The following EYS variants were observed in gnomAD, a reference collection of about 807,000 sequenced individuals.
EYS encodes protein eyes shut homolog.
Under a neutral mutation model 282.1 loss-of-function variants are expected in EYS, and 250 were observed. The observed-to-expected ratio is 0.89, with a 90% CI of 0.80 to 0.98. The LOEUF (loss-of-function observed/expected upper bound fraction) is 0.98, where lower values mean the gene tolerates loss of function less well. Among genes scored for constraint, EYS ranks in the 50% least tolerant of loss-of-function variants. EYS has a pLI of 0.00. For synonymous variants in EYS, 1,355 were observed against 1,282.9 expected (o/e 1.06, Z -1.20); for missense variants, 4,016 against 3,709.0 (o/e 1.08, Z -2.15).
intron 5 of EYS, among the ~76,000 whole-genome samples, chr6:65,420,903 A>G (rs1432145850): frequency 6.6e-6 from 1 of 151,762 alleles, no homozygotes; most frequent in African/African-American, 2.4e-5. Flanking sequence ...GCAGGTCACA[A>G]TGGTGGGCTT....
intron 12 of EYS, among the ~76,000 whole-genome samples, chr6:65,123,364 G>T (rs1775620858): frequency 6.6e-6 from 1 of 152,036 alleles, no homozygotes. Flanking sequence ...TACCTTATTA[G>T]AAAATAGAGG....
intron 35 of EYS, among the ~76,000 whole-genome samples, chr6:63,937,397 T>TTTTTG (rs1765099502): frequency 8.9e-6 from 1 of 112,286 alleles, no homozygotes; most frequent in Non-Finnish European, 1.8e-5. Flanking sequence ...TTTTTTTTTT[T>TTTTTG]TGAGACGGAG....
chr6:63,852,795 G>A (rs1238746507), intron 36 of EYS, among the ~76,000 whole-genome samples: 4 of 152,100 alleles, frequency 2.6e-5, no homozygotes, highest in South Asian at 2.1e-4. Context: ...CGATCAAGTC[G>A]ACTTCATCCC....
chr6:64,035,944 T>C (rs562921138), intron 33 of EYS, among the ~76,000 whole-genome samples: 39 of 152,348 alleles, frequency 2.6e-4, no homozygotes, highest in African/African-American at 8.9e-4. Flanking sequence ...TTTGGAAAGC[T>C]GTACTTCTGA....
At chr6:65,021,659 T>C (rs995910682) in intron 13 of EYS, among the ~76,000 whole-genome samples, 1 of 152,206 alleles carries the variant, frequency 6.6e-6, no homozygotes, top group African/African-American at 2.4e-5. Flanking sequence ...CGGGTATCTT[T>C]AGAGCAGCAC....
chr6:64,815,523 G>A (rs1174594420), intron 21 of EYS, among the ~76,000 whole-genome samples: 1 of 152,126 alleles, frequency 6.6e-6, no homozygotes, highest in African/African-American at 2.4e-5. Flanking sequence ...GAAATACAAA[G>A]GCAATTTCTT....
chr6:63,863,779 G>A (rs1419277007), intron 36 of EYS, among the ~76,000 whole-genome samples: 2 of 150,046 alleles, frequency 1.3e-5, no homozygotes, highest in Non-Finnish European at 3.0e-5. Flanking sequence ...GGGTTCAAGC[G>A]ATTCTCGAGC....
At chr6:65,298,281 C>T (rs966530169) in intron 11 of EYS, among the ~76,000 whole-genome samples, 26 of 151,864 alleles carry the variant, frequency 1.7e-4, no homozygotes, top group African/African-American at 6.3e-4. Context: ...AAAAACTGTA[C>T]TAATTGAAAG....
At chr6:65,443,845 C>A (rs9445548) in intron 5 of EYS, among the ~76,000 whole-genome samples, 28,458 of 151,490 alleles carry the variant, frequency 0.19, 2,966 homozygotes, top group East Asian at 0.31. Context: ...GAATATTAAT[C>A]AAATATAAGT....
chr6:65,178,050 G>A (rs1765272067), intron 12 of EYS, among the ~76,000 whole-genome samples: 2 of 152,010 alleles, frequency 1.3e-5, no homozygotes, highest in South Asian at 4.1e-4. Flanking sequence ...AAATGGGTAG[G>A]TGGGAGTGAA....
intron 15 of EYS, among the ~76,000 whole-genome samples, chr6:64,931,451 C>T (rs1165603836): frequency 6.6e-6 from 1 of 151,880 alleles, no homozygotes; most frequent in African/African-American, 2.4e-5. Flanking sequence ...GAACCTTAAG[C>T]TTTAATCAAA....
At chr6:64,305,788 A>G (rs9444713) in intron 30 of EYS, among the ~76,000 whole-genome samples, 104,326 of 152,058 alleles carry the variant, frequency 0.69, 35,826 homozygotes, top group South Asian at 0.71. Flanking sequence ...TAGAAAACAT[A>G]GGGAAAAAGG....
chr6:64,613,098 C>T (rs1767162122), intron 24 of EYS, among the ~76,000 whole-genome samples: 1 of 152,116 alleles, frequency 6.6e-6, no homozygotes, highest in African/African-American at 2.4e-5. Flanking sequence ...ACACAGATTG[C>T]ATGTGCTACT....
intron 2 of EYS, among the ~76,000 whole-genome samples, chr6:65,512,647 G>A (rs560275967): frequency 6.6e-6 from 1 of 152,076 alleles, no homozygotes; most frequent in Admixed American, 6.5e-5. Flanking sequence ...ACTCAGAACT[G>A]CTCAACTACA....
chr6:63,782,862 T>C (rs1298829786), intron 39 of EYS, among the ~76,000 whole-genome samples: 1 of 152,156 alleles, frequency 6.6e-6, no homozygotes, highest in African/African-American at 2.4e-5. Context: ...ATTTTAGATC[T>C]TTCCTGCTTT....
intron 35 of EYS, among the ~76,000 whole-genome samples, chr6:63,918,578 C>G (rs984699800): frequency 2.6e-5 from 4 of 152,150 alleles, no homozygotes; most frequent in Non-Finnish European, 5.9e-5. Context: ...GAAAGCAACT[C>G]AGCCTGGTCA....
At chr6:65,702,201 GA>G (rs1769702970) in intron 1 of EYS, among the ~76,000 whole-genome samples, 1 of 150,558 alleles carries the variant, frequency 6.6e-6, no homozygotes, top group African/African-American at 2.5e-5. Flanking sequence ...AAAAATAAAA[GA>G]ATCTTTTTTT....
chr6:63,874,172 T>C (rs941418096), intron 35 of EYS, among the ~76,000 whole-genome samples: 8 of 152,224 alleles, frequency 5.3e-5, no homozygotes, highest in Non-Finnish European at 1.0e-4. Context: ...AATTTTTGTA[T>C]AAGGTGTAAG....
At chr6:63,766,414 T>G (rs1769790154) in intron 40 of EYS, among the ~76,000 whole-genome samples, 1 of 152,032 alleles carries the variant, frequency 6.6e-6, no homozygotes, top group African/African-American at 2.4e-5. Flanking sequence ...AAGTTTTCAT[T>G]GACTATTCAT....
Sources: gnomAD v4.1 joint callset for allele counts (sites outside exome capture counted in the v4.1 genomes callset) on GRCh38, gnomAD v4.1.1 for gene constraint, MANE v1.5 for transcripts, NCBI Gene and HGNC (gene_info 2026-07-23, HGNC 2026-07-21) for gene names.